Variants in RMC1 observed in about 807,000 individuals in gnomAD.
The protein encoded by RMC1 is regulator of MON1-CCZ1.
Under a neutral mutation model 95.5 loss-of-function variants are expected in RMC1, and 44 were observed. The observed-to-expected ratio is 0.46, with a 90% confidence interval of 0.36 to 0.59. The LOEUF is 0.59. Ranked by LOEUF, RMC1 falls within the 20% of genes least tolerant of loss-of-function variation. The pLI is 0.00. For missense variants in RMC1, 705 were observed against 819.6 expected, an observed-to-expected ratio of 0.86 and a Z score of 1.71; for synonymous variants, 320 against 303.6, an observed-to-expected ratio of 1.05 and a Z score of -0.56.
intron 10 of RMC1, among the ~76,000 whole-genome samples, chr18:23,521,745 C>A (rs2058148090): frequency 6.7e-6 from 1 of 150,150 alleles, no homozygotes; most frequent in Non-Finnish European, 1.5e-5. Context: ...GTTCTGGAGG[C>A]TAGAAGTTCA....
chr18:23,528,021 G>A, intron 14 of RMC1, 120 bp downstream of exon 14: 8 of 814,260 alleles, frequency 9.8e-6, no homozygotes, highest in South Asian at 3.7e-5. Flanking sequence ...GAGATTTGCC[G>A]CCTGCCATAG....
At chr18:23,505,345 A>G (rs2057687636) in intron 2 of RMC1, among the ~76,000 whole-genome samples, 1 of 152,146 alleles carries the variant, frequency 6.6e-6, no homozygotes, top group African/African-American at 2.4e-5. Flanking sequence ...TACAGGCATG[A>G]GCCGCTGCAC....
chr18:23,519,153 C>T lies in RMC1; in HGVS notation c.828C>T (p.Val276=), dbSNP rs550875313. 1.4e-4 allele frequency: 227 copies of T among 1,613,962 alleles called. 2 individuals carry two copies. In the South Asian group the frequency reaches 1.7e-3, roughly 12 times the overall value. Residue 276 remains valine (V), a synonymous_variant, in exon 9 of 20, where the codon GTC becomes GTT. Coordinates refer to ENST00000269221, the MANE Select transcript of RMC1 (RefSeq NM_013326.5). ...FALNVVDNLV[V]VHHQDTETSV... is the part of the protein sequence containing the mutation. ...TGAACGTGGTGGACAACCTGGTAGT[C>T]GTGCATCATCAGGATACAGAGGTAC...
At chr18:23,508,085 T>C (rs2057758327) in intron 4 of RMC1, 44 bp downstream of exon 4, 6 of 1,569,572 alleles carry the variant, frequency 3.8e-6, no homozygotes, top group Non-Finnish European at 5.2e-6. Flanking sequence ...TCAGTGGTGT[T>C]GAGCTGGGTT....
intron 19 of RMC1, among the ~76,000 whole-genome samples, chr18:23,530,923 A>C (rs559065969): frequency 6.6e-6 from 1 of 152,144 alleles, no homozygotes; most frequent in South Asian, 2.1e-4. Context: ...AAGACGGCAA[A>C]TGGTGGCTAA....
intron 5 of RMC1, 56 bp from the exon 6 acceptor site, chr18:23,515,800 T>C: frequency 6.2e-7 from 1 of 1,608,764 alleles, no homozygotes. Context: ...CCCAAAGTGC[T>C]GGGATTAGTT....
chr18:23,526,681 C>T lies in RMC1; in HGVS notation c.1105C>T (p.Leu369Phe). ...AGTGAAACTTGAGCCCATAGTAAAT[C>T]TCTTACCAGACAAAGGAAGACTCAT... ...LQVKLEPIVN[L>F]LPDKGRLMDF... The change falls in exon 13 of 20, where the codon CTC (leucine) becomes TTC (phenylalanine). Residue 369 changes from leucine to phenylalanine, a missense_variant. Coordinates refer to ENST00000269221, the MANE Select transcript of RMC1 (RefSeq NM_013326.5). The T allele has an allele frequency of 6.2e-7, 1 of 1,614,138 alleles. No homozygotes were observed. Among genetic ancestry groups the T allele is most frequent in the Non-Finnish European group, 8.5e-7 (1 of 1,180,020 alleles).
At chr18:23,524,039 C>A in intron 10 of RMC1, 91 bp from the exon 11 acceptor site, 1 of 1,321,276 alleles carries the variant, frequency 7.6e-7, no homozygotes. Context: ...TTCGTAATGA[C>A]ATTAAAAAGT....
intron 10 of RMC1, among the ~76,000 whole-genome samples, chr18:23,520,816 A>C (rs910732950): frequency 6.6e-6 from 1 of 152,104 alleles, no homozygotes; most frequent in African/African-American, 2.4e-5. Context: ...ATAAGGTTCA[A>C]GTGATTCTCC....
At chr18:23,510,451 C>T (rs111336474) in intron 5 of RMC1, among the ~76,000 whole-genome samples, 47 of 152,108 alleles carry the variant, frequency 3.1e-4, no homozygotes, top group African/African-American at 1.1e-3. Flanking sequence ...AGTTCGAGAC[C>T]AGCATGGCCA....
rs777706940 is a variant in RMC1, at chr18:23,529,315, C to T, written c.1416+17C>T. 1.7e-5 allele frequency: 27 copies of T among 1,602,328 alleles called. No homozygotes were observed. The highest frequency in any genetic ancestry group is 1.1e-4 in the South Asian group (10 of 89,004). On this transcript the variant is annotated intron_variant, in intron 15 of 19. Transcript: ENST00000269221. ...GAAAAGAAGGTGGGCTGCAGCTTTC[C>T]GCCTCTTCTGGACTGAGAATGCTCA...
At chr18:23,513,505 A>G (rs1298050550) in intron 5 of RMC1, among the ~76,000 whole-genome samples, 1 of 152,248 alleles carries the variant, frequency 6.6e-6, no homozygotes, top group African/African-American at 2.4e-5. Flanking sequence ...CTGTCAATAC[A>G]GGTATGCAGA....
chr18:23,525,811 A>G (rs1046672983), intron 12 of RMC1, among the ~76,000 whole-genome samples: 3 of 152,028 alleles, frequency 2.0e-5, no homozygotes, highest in Admixed American at 6.5e-5. Context: ...AGAATCTCCT[A>G]TGTTACTCTT....
At chr18:23,518,573 CAG>C (rs1257318873) in intron 7 of RMC1, among the ~76,000 whole-genome samples, 14 of 152,128 alleles carry the variant, frequency 9.2e-5, no homozygotes, top group East Asian at 3.9e-4. Flanking sequence ...ACTTGGAAAA[CAG>C]AGAAGAAAAT....
chr18:23,529,078 C>G (rs2058399738), intron 14 of RMC1, 101 bp from the exon 15 acceptor site: 1 of 1,507,014 alleles, frequency 6.6e-7, no homozygotes, highest in African/African-American at 1.4e-5. Flanking sequence ...CCGCTCATAT[C>G]CTGGGTCCAC....
In RMC1 at chr18:23,529,617, ACAT is replaced by A; in HGVS notation, c.1417-17_1417-15del. 1 of 1,609,376 alleles carries A rather than the reference ACAT, an allele frequency of 6.2e-7. No homozygotes were observed. The highest frequency in any genetic ancestry group is 2.2e-5 in the East Asian group (1 of 44,864). On this transcript the variant is annotated splice_polypyrimidine_tract_variant and intron_variant, in intron 15 of 19. Coordinates refer to ENST00000269221, the MANE Select transcript of RMC1 (RefSeq NM_013326.5). The stretch of plus-strand genomic sequence containing the variant: ...GCACCTCGTTGGTATTTGTAAGACC[ACAT>A]TTTTTTCTCCCTAGGAGATGCCTCA...
chr18:23,529,437 C>T, intron 15 of RMC1, 139 bp downstream of exon 15: 4 of 1,399,232 alleles, frequency 2.9e-6, no homozygotes, highest in Non-Finnish European at 3.8e-6. Flanking sequence ...GGCCCTAGAG[C>T]TGGTAGTTTG....
rs140817662 is a variant in RMC1, at chr18:23,508,400, G to A, written c.321+359G>A. ...CAGCCACCTGGAGTGGAGGTTTCTG[G>A]TGAGGAGTTTCTTTTTCTGTTTCCT... On this transcript the variant is annotated intron_variant, in intron 4 of 19. Transcript: ENST00000269221. Among the ~76,000 whole-genome samples the A allele has an allele frequency of 9.8e-5, 15 of 152,310 alleles. 1 individual carries two copies. The East Asian group carries it at 2.7e-3, about 27-fold the overall frequency.
chr18:23,531,660 CAG>C lies in RMC1; in HGVS notation c.1932_1933del (p.Gln644HisfsTer33), dbSNP rs1208163468. The C allele has an allele frequency of 6.2e-7, 1 of 1,612,936 alleles. No homozygotes were observed. On this transcript the variant is annotated frameshift_variant, in exon 20 of 20. Coordinates refer to ENST00000269221, the MANE Select transcript of RMC1 (RefSeq NM_013326.5). LOFTEE classifies it high-confidence loss of function. ...TGAAGAACATGTTGCTTTTTTCAAACAGATTTTTGGAGACCAAGCTCTAATGA... is the reference window on the plus strand; with the variant it reads ...TGAAGAACATGTTGCTTTTTTCAAACATTTTTGGAGACCAAGCTCTAATGA... The part of the protein sequence containing the change: ...HCEEHVAFFK[Q>X]IFGDQALMRP...
Sources: gnomAD v4.1 joint callset for allele counts (sites outside exome capture counted in the v4.1 genomes callset) on GRCh38, gnomAD v4.1.1 for gene constraint, MANE v1.5 for transcripts, NCBI Gene and HGNC (gene_info 2026-07-23, HGNC 2026-07-21) for gene names.